Variants in SNX7 observed in about 807,000 individuals in gnomAD.
SNX7 encodes sorting nexin-7.
SNX7 carries 35 observed loss-of-function variants against 48.4 expected under a neutral mutation model. The ratio of observed to expected loss-of-function variants is 0.72; its 90% CI spans 0.55 to 0.96. The LOEUF is 0.96. SNX7 is among the 40% of genes least tolerant of loss of function. SNX7 has a pLI of 0.00. For synonymous variants in SNX7, 190 were observed against 190.2 expected, an observed-to-expected ratio of 1.00 and a Z score of 0.01; for missense variants, 553 against 548.9, an observed-to-expected ratio of 1.01 and a Z score of -0.07.
At chr1:98,759,126 A>C (rs1654999146) in intron 8 of SNX7, among the ~76,000 whole-genome samples, 1 of 152,022 alleles carries the variant, frequency 6.6e-6, no homozygotes, top group Non-Finnish European at 1.5e-5. Flanking sequence ...ACATGGAGGT[A>C]GTTGAGCCAG....
chr1:98,726,004 C>T (rs1454482778), intron 7 of SNX7, among the ~76,000 whole-genome samples: 1 of 152,070 alleles, frequency 6.6e-6, no homozygotes, highest in African/African-American at 2.4e-5. Flanking sequence ...GTTTTCTTTT[C>T]TTACAGGTCC....
At chr1:98,721,606 G>T (rs547737355) in intron 7 of SNX7, among the ~76,000 whole-genome samples, 70 of 152,044 alleles carry the variant, frequency 4.6e-4, no homozygotes, top group African/African-American at 1.7e-3. Flanking sequence ...ACCTTACAGG[G>T]TATATTGAGA....
At chr1:98,712,675 G>A (rs1652376292) in intron 7 of SNX7, among the ~76,000 whole-genome samples, 1 of 152,162 alleles carries the variant, frequency 6.6e-6, no homozygotes, top group African/African-American at 2.4e-5. Context: ...ATGGACATTG[G>A]CTTCAACTTA....
At chr1:98,738,429 T>C (rs1653904772) in intron 8 of SNX7, 40 bp downstream of exon 8, 1 of 1,580,720 alleles carries the variant, frequency 6.3e-7, no homozygotes, top group Non-Finnish European at 8.7e-7. Context: ...TTTAAAGTTA[T>C]ATGCTCATTT....
intron 8 of SNX7, among the ~76,000 whole-genome samples, chr1:98,743,742 G>A (rs1260940240): frequency 1.3e-5 from 2 of 151,960 alleles, no homozygotes; most frequent in East Asian, 3.9e-4. Context: ...TGTTGTGTTG[G>A]GAAAATGGTG....
At position 98,760,210 on chromosome 1, in the gene SNX7, C is replaced by CT. The variant is rs1242710764; in HGVS notation, c.*81dup. On this transcript the variant is annotated 3_prime_UTR_variant, in exon 9 of 9. Transcript: ENST00000306121. ...TTATTCTTTCTGGATCTGCCGTGTC[C>CT]TTATAAAGTGGATGAAAAATGTTTT... 2.3e-5 allele frequency: 26 copies of CT among 1,132,754 alleles called. No homozygotes were observed. Among genetic ancestry groups the CT allele is most frequent in the Non-Finnish European group, 3.2e-5 (24 of 756,054 alleles). The allele number at this position is 1,132,754 out of a possible 1,614,324, so 70.2% of individuals were successfully genotyped here.
At chr1:98,670,217 TAGA>T (rs1193952806) in intron 1 of SNX7, among the ~76,000 whole-genome samples, 5 of 152,164 alleles carry the variant, frequency 3.3e-5, no homozygotes, top group African/African-American at 1.2e-4. Flanking sequence ...TAGATTATAT[TAGA>T]AGAAATAAAC....
intron 1 of SNX7, among the ~76,000 whole-genome samples, chr1:98,669,977 C>T (rs1166217005): frequency 6.6e-6 from 1 of 152,184 alleles, no homozygotes; most frequent in East Asian, 1.9e-4. Flanking sequence ...AGAATAAATA[C>T]ATAAATGAAT....
At chr1:98,675,476 C>A (rs1466813221) in intron 1 of SNX7, among the ~76,000 whole-genome samples, 2 of 152,100 alleles carry the variant, frequency 1.3e-5, no homozygotes, top group East Asian at 3.9e-4. Flanking sequence ...ACACTGTACT[C>A]ATTGGAATTG....
rs887844025 is a variant in SNX7 at position 98,691,634 on chromosome 1, A to G, written c.574A>G (p.Ile192Val). ...RKALHKFLNR[I>V]ADHPTLTFNE... ...GGCTTTACATAAATTTTTGAACCGA[A>G]TTGCTGATCATCCAACTTTAACATT... Residue 192 changes from isoleucine to valine, a missense_variant, in exon 4 of 9, where the codon ATT becomes GTT. Ile to Val is a conservative substitution (Grantham distance 29). Coordinates refer to ENST00000306121, the MANE Select transcript of SNX7 (RefSeq NM_015976.5). 6.2e-7 allele frequency: 1 copy of G among 1,611,334 alleles called. No homozygotes were observed. Among genetic ancestry groups the G allele is most frequent in the Non-Finnish European group, 8.5e-7 (1 of 1,178,442 alleles).
In SNX7 at chr1:98,691,173, T is replaced by A. The variant is rs769639957; in HGVS notation, c.462T>A (p.Thr154=). The change falls in exon 3 of 9, where the codon ACT becomes ACA. Residue 154 remains threonine, a synonymous_variant. Coordinates refer to ENST00000306121, the MANE Select transcript of SNX7 (RefSeq NM_015976.5). The part of the protein sequence containing the change: ...LKGKLEEAHP[T]LIIPPLPEKF... ...GAAAACTGGAAGAAGCACACCCCACTCTGATTATTCCAGTAAGTTTGCAAA... is the reference window on the plus strand; with the variant it reads ...GAAAACTGGAAGAAGCACACCCCACACTGATTATTCCAGTAAGTTTGCAAA... 1.2e-6 allele frequency: 2 copies of A among 1,603,920 alleles called. No homozygotes were observed. Among genetic ancestry groups the A allele is most frequent in the Non-Finnish European group, 1.7e-6 (2 of 1,174,564 alleles).
At chr1:98,714,050 A>G (rs1652459177) in intron 7 of SNX7, among the ~76,000 whole-genome samples, 1 of 152,216 alleles carries the variant, frequency 6.6e-6, no homozygotes, top group Admixed American at 6.5e-5. Flanking sequence ...ATATCTGCAA[A>G]GCACAGAAAA....
chr1:98,723,559 G>A (rs1653003938), intron 7 of SNX7, among the ~76,000 whole-genome samples: 1 of 151,870 alleles, frequency 6.6e-6, no homozygotes, highest in African/African-American at 2.4e-5. Context: ...ATTTATAGAT[G>A]GGTTTTCTAC....
chr1:98,744,944 A>G (rs773162937), intron 8 of SNX7, among the ~76,000 whole-genome samples: 4 of 152,040 alleles, frequency 2.6e-5, no homozygotes, highest in African/African-American at 9.7e-5. Flanking sequence ...AGGCCATGTT[A>G]CTTTCCTAGG....
chr1:98,663,252 GGTTTTTTTT>G (rs1237056018), intron 1 of SNX7, among the ~76,000 whole-genome samples: 1,664 of 83,122 alleles, frequency 0.02, 199 homozygotes, highest in African/African-American at 0.048. Context: ...GTTTCTTTCT[GGTTTTTTTT>G]TTTTTTTTTT....
At chr1:98,738,499 C>A in intron 8 of SNX7, 110 bp downstream of exon 8, 2 of 1,030,476 alleles carry the variant, frequency 1.9e-6, no homozygotes, top group Non-Finnish European at 2.8e-6. Context: ...CATTCTAATG[C>A]CTCTCTGGTA....
intron 1 of SNX7, chr1:98,677,189 C>T (rs1365017269): frequency 6.6e-6 from 1 of 152,150 alleles, no homozygotes; most frequent in Non-Finnish European, 1.5e-5. Context: ...TGTGAAAGAA[C>T]CATTATTTGA....
chr1:98,724,009 T>G (rs941235456), intron 7 of SNX7, among the ~76,000 whole-genome samples: 1 of 152,174 alleles, frequency 6.6e-6, no homozygotes, highest in African/African-American at 2.4e-5. Flanking sequence ...CTTGTATTTT[T>G]CCTGATTGTA....
chr1:98,675,905 A>C (rs1650135607), intron 1 of SNX7, among the ~76,000 whole-genome samples: 1 of 152,204 alleles, frequency 6.6e-6, no homozygotes, highest in Non-Finnish European at 1.5e-5. Flanking sequence ...CAACTGTTTT[A>C]TCACTACGGT....
Sources: gnomAD v4.1 joint callset for allele counts (sites outside exome capture counted in the v4.1 genomes callset) on GRCh38, gnomAD v4.1.1 for gene constraint, MANE v1.5 for transcripts, NCBI Gene and HGNC (gene_info 2026-07-23, HGNC 2026-07-21) for gene names.